The following PARP10 variants were observed in gnomAD, a reference collection of about 807,000 sequenced individuals.
The protein encoded by PARP10 is poly(ADP-ribose) polymerase family member 10.
Under a neutral mutation model 82.4 loss-of-function variants are expected in PARP10, and 56 were observed. The ratio of observed to expected loss-of-function variants is 0.68; its 90% CI spans 0.55 to 0.85. The LOEUF is 0.85. PARP10 is among the 40% of genes least tolerant of loss of function. The probability of loss-of-function intolerance (pLI) is 0.00; values close to 1 mark genes in which losing one functional copy is unlikely to be tolerated. For synonymous variants in PARP10, 576 were observed against 601.1 expected, an observed-to-expected ratio of 0.96 and a Z score of 0.61; for missense variants, 1,227 against 1,379.4, an observed-to-expected ratio of 0.89 and a Z score of 1.75.
At chr8:143,999,846 G>T (rs1337524998) in intron 1 of PARP10, among the ~76,000 whole-genome samples, 1 of 152,094 alleles carries the variant, frequency 6.6e-6, no homozygotes, top group African/African-American at 2.4e-5. Flanking sequence ...TGAACTGGAA[G>T]ACAGGTCGAT....
chr8:143,997,964 T>C (rs1554751411), intron 1 of PARP10, among the ~76,000 whole-genome samples: 1 of 151,920 alleles, frequency 6.6e-6, no homozygotes, highest in East Asian at 1.9e-4. Flanking sequence ...TTATTTTTAT[T>C]TTTATTTTTG....
chr8:143,992,628 G>C, upstream of PARP10: 1 of 1,614,070 alleles, frequency 6.2e-7, no homozygotes, highest in Non-Finnish European at 8.5e-7. Flanking sequence ...GGGTGACCTT[G>C]GCCGGGGGCG....
chr8:143,992,520 T>A, upstream of PARP10: 3 of 1,614,176 alleles, frequency 1.9e-6, no homozygotes, highest in Non-Finnish European at 2.5e-6. Context: ...ATGGTGGTGC[T>A]CTTCATCTTC....
At chr8:143,978,969 GTTTTTTTTT>G (rs5895791) in intron 9 of PARP10, among the ~76,000 whole-genome samples, 4 of 144,842 alleles carry the variant, frequency 2.8e-5, no homozygotes, top group Admixed American at 1.4e-4. Context: ...AACCCTGCAA[GTTTTTTTTT>G]TTTTTTTTCT....
chr8:143,984,085 A>G lies in PARP10; in HGVS notation c.1700T>C (p.Leu567Pro). Residue 567 changes from leucine (L) to proline (P), a missense_variant, in exon 7 of 11, where the codon CTC becomes CCC. Leu to Pro is a moderately conservative substitution (Grantham distance 98). Transcript: ENST00000313028. ...GLEEVDPTEA[L>P]PVLPGNAHTL... ...GTGGGCGTTGCCAGGGAGCACTGGG[A>G]GGGCCTCGGTAGGGTCCACCTGTAG... is the stretch of plus-strand genomic sequence containing the variant. 6.4e-7 allele frequency: 1 copy of G among 1,550,782 alleles called. No individual in the cohort carries two copies. The highest frequency in any genetic ancestry group is 8.7e-7 in the Non-Finnish European group (1 of 1,147,800).
At position 143,984,762 on chromosome 8, in the gene PARP10, CCAGCCCCT is replaced by C. The variant is rs781797780; in HGVS notation, c.1232_1239del (p.Glu411GlyfsTer50). On this transcript the variant is annotated frameshift_variant, in exon 5 of 11. Transcript: ENST00000313028. LOFTEE classifies it high-confidence loss of function. ...CCCATGGTGATCTCCATGGGACCCA[CCAGCCCCT>C]CTTGCTCTGGTGAGTCCATGGCAAT... 6.2e-7 allele frequency: 1 copy of C among 1,613,650 alleles called. No individual in the cohort carries two copies. Among genetic ancestry groups the C allele is most frequent in the Non-Finnish European group, 8.5e-7 (1 of 1,179,822 alleles).
chr8:144,002,900 G>A (rs1482708789), intron 1 of PARP10, among the ~76,000 whole-genome samples: 3 of 152,146 alleles, frequency 2.0e-5, no homozygotes, highest in Non-Finnish European at 2.9e-5. Context: ...AATATAGCTA[G>A]ACCCCATCTC....
upstream of PARP10, among the ~76,000 whole-genome samples, chr8:143,995,879 G>T (rs1162308743): frequency 6.6e-6 from 1 of 152,208 alleles, no homozygotes; most frequent in East Asian, 1.9e-4. Flanking sequence ...GGCAAGCAGT[G>T]CCCTGTCCCA....
chr8:143,986,469 A>C, upstream of PARP10: 1 of 1,575,992 alleles, frequency 6.3e-7, no homozygotes, highest in Non-Finnish European at 8.7e-7. Context: ...GTGAAACTGA[A>C]AGACGGAAGG....
At chr8:143,997,664 G>A (rs1392883265) in intron 1 of PARP10, among the ~76,000 whole-genome samples, 1 of 152,054 alleles carries the variant, frequency 6.6e-6, no homozygotes, top group Non-Finnish European at 1.5e-5. Flanking sequence ...CAGCCAAGAC[G>A]GTGGACTGAA....
intron 1 of PARP10, among the ~76,000 whole-genome samples, chr8:144,009,306 C>T (rs1231447287): frequency 2.0e-5 from 3 of 152,136 alleles, no homozygotes; most frequent in South Asian, 2.1e-4. Context: ...CACACTTTTT[C>T]GGTCTTCATC....
At chr8:143,989,422 G>A (rs1554750107), upstream of PARP10, 29 of 152,220 alleles carry the variant, frequency 1.9e-4, no homozygotes, top group Non-Finnish European at 2.9e-5. This position sits in a 1 kb window ranked among gnomAD's most constrained non-coding sequence, Gnocchi z 4.3. Context: ...CTGTGGTCAA[G>A]AATAATTGTA....
At position 143,977,892 on chromosome 8, in the gene PARP10, C is replaced by T. The variant is rs1554746718; in HGVS notation, c.2731+15G>A. 1.9e-6 allele frequency: 3 copies of T among 1,600,792 alleles called. No homozygotes were observed. Among genetic ancestry groups the T allele is most frequent in the East Asian group, 2.2e-5 (1 of 44,712 alleles). On this transcript the variant is annotated intron_variant, in intron 10 of 10. Coordinates refer to ENST00000313028, the MANE Select transcript of PARP10 (RefSeq NM_032789.5). ...GGTGCGCAGAGCCCCCGCCCCTGCC[C>T]GGCTCAGGCCTCACCGTTGCGGCCG...
rs1554746421 is a variant in PARP10 at position 143,977,462 on chromosome 8, G to C, written c.*22C>G. 1 of 1,514,838 alleles carries C rather than the reference G, an allele frequency of 6.6e-7. No homozygotes were observed. The highest frequency in any genetic ancestry group is 2.5e-5 in the East Asian group (1 of 40,592). The allele number at this position is 1,514,838 out of a possible 1,614,324, so 93.8% of individuals were successfully genotyped here. ...GGAGCTGGGAGCCTGGGAAGCAGGA[G>C]GCCAGAGGGTGGCCCCTTCGGTTAA... On this transcript the variant is annotated 3_prime_UTR_variant, in exon 11 of 11. Transcript: ENST00000313028.
At chr8:143,988,038 T>C (rs1554749767), upstream of PARP10, among the ~76,000 whole-genome samples, 2 of 151,014 alleles carry the variant, frequency 1.3e-5, no homozygotes, top group Non-Finnish European at 3.0e-5. Context: ...CCTGCAGAGC[T>C]ACAGGCCACT....
At chr8:143,991,315 C>G (rs782781264), upstream of PARP10, 5 of 1,405,138 alleles carry the variant, frequency 3.6e-6, no homozygotes, top group African/African-American at 1.4e-5. Context: ...CCCATGCCCC[C>G]CTATGCTCAG....
At position 143,983,267 on chromosome 8, in the gene PARP10, G is replaced by A. The variant is rs1308613430; in HGVS notation, c.2322C>T (p.Phe774=). ...LRGDCTILRG[F]GAHPARAARH... ...GGGCAGCACGGGCAGGGTGGGCCCC[G>A]AAGCCACGGAGGATGGTGCAGTCAC... Residue 774 remains phenylalanine (F), a synonymous_variant, in exon 8 of 11, where the codon TTC becomes TTT. Transcript: ENST00000313028. 10 of 1,612,588 alleles carry A rather than the reference G, an allele frequency of 6.2e-6. No homozygotes were observed. The highest frequency in any genetic ancestry group is 2.7e-5 in the African/African-American group (2 of 74,922).
chr8:143,983,354 T>A lies in PARP10; in HGVS notation c.2235A>T (p.Thr745=). 1 of 1,608,286 alleles carries A rather than the reference T, an allele frequency of 6.2e-7. No individual in the cohort carries two copies. Among genetic ancestry groups the A allele is most frequent in the Non-Finnish European group, 8.5e-7 (1 of 1,178,944 alleles). The part of the protein sequence containing the change: ...QEETVGPWRR[T]LPAELRARLE... ...GGCGAGCACGCAGCTCTGCAGGCAG[T>A]GTGCGGCGCCAGGGCCCCACCGTCT... The change falls in exon 8 of 11, where the codon ACA becomes ACT. Residue 745 remains threonine, a synonymous_variant. Coordinates refer to ENST00000313028, the MANE Select transcript of PARP10 (RefSeq NM_032789.5).
intron 1 of PARP10, among the ~76,000 whole-genome samples, chr8:144,010,783 G>A (rs1047781928): frequency 2.0e-5 from 3 of 152,126 alleles, no homozygotes; most frequent in African/African-American, 4.8e-5. Flanking sequence ...TACTTGGGAG[G>A]CTGAGGCAGC....
Sources: gnomAD v4.1 joint callset for allele counts (sites outside exome capture counted in the v4.1 genomes callset) on GRCh38, gnomAD v4.1.1 for gene constraint, Gnocchi (gnomAD v3.1) non-coding constraint, MANE v1.5 for transcripts, NCBI Gene and HGNC (gene_info 2026-07-23, HGNC 2026-07-21) for gene names.